The following NRG1 variants were observed in gnomAD, a reference collection of about 807,000 sequenced individuals.
NRG1 encodes pro-neuregulin-1, membrane-bound isoform.
Under a neutral mutation model 63.8 loss-of-function variants are expected in NRG1, and 18 were observed. That is an observed-to-expected ratio of 0.28 (90% CI 0.19 to 0.42). NRG1 has a LOEUF of 0.42. Ranked by LOEUF, NRG1 falls within the 10% of genes least tolerant of loss-of-function variation. The pLI is 1.00. For synonymous variants in NRG1, 302 were observed against 301.3 expected, an observed-to-expected ratio of 1.00 and a Z score of -0.02; for missense variants, 762 against 814.7, an observed-to-expected ratio of 0.94 and a Z score of 0.79.
chr8:32,715,551 A>G (rs1818957009), intron 5 of NRG1, among the ~76,000 whole-genome samples: 1 of 152,188 alleles, frequency 6.6e-6, no homozygotes. Flanking sequence ...GAAACCAAGA[A>G]AAGTCTCTCT....
At chr8:32,500,059 C>A (rs1827677814) in intron 1 of NRG1, among the ~76,000 whole-genome samples, 1 of 152,160 alleles carries the variant, frequency 6.6e-6, no homozygotes, top group South Asian at 2.1e-4. Flanking sequence ...TCTACAATCA[C>A]CCCCAATGTG....
chr8:32,726,667 G>A (rs1465362602), intron 5 of NRG1, among the ~76,000 whole-genome samples: 3 of 152,050 alleles, frequency 2.0e-5, no homozygotes, highest in South Asian at 4.1e-4. Context: ...AAATCAAGCA[G>A]GGGAGAAGAC....
intron 1 of NRG1, among the ~76,000 whole-genome samples, chr8:32,276,800 C>G (rs1852152037): frequency 6.6e-6 from 1 of 152,146 alleles, no homozygotes; most frequent in African/African-American, 2.4e-5. Context: ...GAAAATAGGG[C>G]AAGGGAGGAA....
At chr8:32,274,922 T>G (rs1430352972) in intron 1 of NRG1, among the ~76,000 whole-genome samples, 1 of 152,152 alleles carries the variant, frequency 6.6e-6, no homozygotes, top group African/African-American at 2.4e-5. Context: ...AAACTTCATG[T>G]AAACTAAATG....
chr8:31,834,885 G>T (rs1825551620), intron 1 of NRG1, among the ~76,000 whole-genome samples: 1 of 152,112 alleles, frequency 6.6e-6, no homozygotes, highest in Non-Finnish European at 1.5e-5. Context: ...GGAGCATGTT[G>T]TATATCAAGG....
At chr8:31,749,479 G>A (rs1036842753) in intron 1 of NRG1, among the ~76,000 whole-genome samples, 2 of 151,724 alleles carry the variant, frequency 1.3e-5, no homozygotes, top group East Asian at 1.9e-4. Context: ...AGTGTAGAGG[G>A]AATATATTCA....
intron 1 of NRG1, among the ~76,000 whole-genome samples, chr8:31,801,016 AT>A (rs35832985): frequency 0.74 from 107,912 of 146,198 alleles, 40,039 homozygotes; most frequent in East Asian, 0.99. Flanking sequence ...ATTTTTTTGT[AT>A]TTTTTTTTTT....
At chr8:32,412,469 T>TATATATATAC (rs71208180) in intron 1 of NRG1, among the ~76,000 whole-genome samples, 1 of 134,058 alleles carries the variant, frequency 7.5e-6, no homozygotes, top group African/African-American at 2.6e-5. Flanking sequence ...TATATATATA[T>TATATATATAC]ATATATGAAC....
intron 1 of NRG1, among the ~76,000 whole-genome samples, chr8:31,921,490 AC>A: frequency 6.6e-6 from 1 of 152,246 alleles, no homozygotes; most frequent in South Asian, 2.1e-4. Flanking sequence ...ACACACACAC[AC>A]ACACACACAG....
chr8:32,412,458 A>ATATATATG (rs1815213108), intron 1 of NRG1, among the ~76,000 whole-genome samples: 1 of 54,244 alleles, frequency 1.8e-5, no homozygotes, highest in Non-Finnish European at 4.8e-5. Context: ...ATATACATAT[A>ATATATATG]TATATATATA....
In NRG1 at chr8:32,742,151, C is replaced by T; in HGVS notation, c.633-524C>T. On this transcript the variant is annotated intron_variant, in intron 6 of 11. Coordinates refer to ENST00000356819, the Ensembl canonical transcript of NRG1. The surrounding 1 kb of genome is among the most constrained non-coding windows in gnomAD (Gnocchi z 4.2). The stretch of plus-strand genomic sequence containing the variant: ...TCACTACCACTTGGTGCTTTTACAG[C>T]TCAGTCGTAACTGATTCATTTTGTT... The T allele has an allele frequency of 3.4e-6, 4 of 1,176,196 alleles. No individual in the cohort carries two copies. The highest frequency in any genetic ancestry group is 5.1e-6 in the Non-Finnish European group (4 of 785,726). 72.9% of individuals were successfully genotyped at this position (1,176,196 alleles called of 1,614,324 possible).
At chr8:32,508,841 T>A (rs1198572289) in intron 1 of NRG1, among the ~76,000 whole-genome samples, 1 of 151,796 alleles carries the variant, frequency 6.6e-6, no homozygotes, top group Non-Finnish European at 1.5e-5. Context: ...GTTCAAGCAA[T>A]TCTCAGGCCT....
At chr8:31,871,762 T>C (rs1224380911) in intron 1 of NRG1, among the ~76,000 whole-genome samples, 2 of 152,158 alleles carry the variant, frequency 1.3e-5, no homozygotes, top group Non-Finnish European at 2.9e-5. Context: ...TTTTAAAAAA[T>C]ACCTAAAAAA....
At chr8:31,794,596 TA>T (rs1189403288) in intron 1 of NRG1, among the ~76,000 whole-genome samples, 1 of 152,004 alleles carries the variant, frequency 6.6e-6, no homozygotes, top group African/African-American at 2.4e-5. Flanking sequence ...GTCAATATTT[TA>T]CTTCACCTCT....
rs554745590 is a variant in NRG1, at chr8:31,681,084, A to G, written c.37+41653A>G. On this transcript the variant is annotated intron_variant, in intron 1 of 10. Transcript: ENST00000519301. ...CTTGACTCTTAAGACAGGTAAATGC[A>G]ATAAATGCTACATGACAATTGGTTA... Among the ~76,000 whole-genome samples the G allele has an allele frequency of 4.5e-4, 69 of 152,258 alleles. 1 individual carries two copies. Among genetic ancestry groups the G allele is most frequent in the Middle Eastern group, 3.4e-3 (1 of 294 alleles).
At chr8:32,489,583 T>G (rs1826304269) in intron 1 of NRG1, among the ~76,000 whole-genome samples, 1 of 152,114 alleles carries the variant, frequency 6.6e-6, no homozygotes, top group Admixed American at 6.6e-5. Context: ...TTAAGGAGAC[T>G]CCCAGCTTTC....
chr8:32,225,771 G>A (rs895267809), intron 1 of NRG1, among the ~76,000 whole-genome samples: 17 of 152,138 alleles, frequency 1.1e-4, no homozygotes, highest in African/African-American at 3.4e-4. Context: ...GGGAAATTTC[G>A]TTTCACTGCA....
At chr8:32,605,571 A>G in exon 3 of NRG1, 1 of 1,613,342 alleles carries the variant, frequency 6.2e-7, no homozygotes, top group Non-Finnish European at 8.5e-7. Flanking sequence ...GGAAGTCAGA[A>G]CTTCGCATTA....
intron 1 of NRG1, among the ~76,000 whole-genome samples, chr8:32,313,987 A>G (rs955702819): frequency 3.9e-5 from 6 of 152,190 alleles, no homozygotes; most frequent in South Asian, 2.1e-4. Context: ...GCACCTCCCA[A>G]TGCTGGCCAG....
Sources: allele counts gnomAD v4.1 joint callset (sites outside exome capture counted in the v4.1 genomes callset), GRCh38; gene constraint gnomAD v4.1.1; non-coding constraint Gnocchi (gnomAD v3.1); transcripts MANE v1.5; gene names NCBI Gene and HGNC (gene_info 2026-07-23, HGNC 2026-07-21).